IGSF1: variants seen among roughly 807,000 people sequenced by gnomAD.
The protein encoded by IGSF1 is immunoglobulin-like domain-containing protein 1.
A neutral mutation model predicts 95.3 loss-of-function variants in IGSF1; 40 were observed. The observed-to-expected ratio is 0.42, with a 90% confidence interval of 0.33 to 0.55. The LOEUF (loss-of-function observed/expected upper bound fraction) is 0.55, where lower values mean the gene tolerates loss of function less well. IGSF1 is among the 20% of genes least tolerant of loss of function. The pLI, the probability that IGSF1 is intolerant of heterozygous loss-of-function variation, is 0.10. For synonymous variants in IGSF1, 372 were observed against 382.9 expected, an observed-to-expected ratio of 0.97 and a Z score of 0.33; for missense variants, 906 against 1,025.4, an observed-to-expected ratio of 0.88 and a Z score of 1.59.
Position 131,281,752 on chromosome X carries a change from C to G in IGSF1, c.1439G>C (p.Gly480Ala). The change falls in exon 8 of 20, where the codon GGG (glycine) becomes GCG (alanine). Residue 480 changes from glycine to alanine, a missense_variant. Gly to Ala is a moderately conservative substitution (Grantham distance 60). Coordinates refer to ENST00000361420, the MANE Select transcript of IGSF1 (RefSeq NM_001555.5). Reference protein sequence around the residue: ...IISNVDGKGTGTYSCSYRVET... With the variant: ...IISNVDGKGTATYSCSYRVET... ...TACGCGATAGCTGCAACTGTAGGTCCCTGTGCCTTTCCCGTCAACATTACT... is the reference window on the plus strand; with the variant it reads ...TACGCGATAGCTGCAACTGTAGGTCGCTGTGCCTTTCCCGTCAACATTACT... The G allele has an allele frequency of 8.3e-7, 1 of 1,210,490 alleles. No individual in the cohort carries two copies. The highest frequency in any genetic ancestry group is 3.0e-5 in the East Asian group (1 of 33,820).
At position 131,285,839 on chromosome X, in the gene IGSF1, G is replaced by T. The variant is rs199926984; in HGVS notation, c.307C>A (p.Leu103Ile). The T allele has an allele frequency of 8.3e-6, 10 of 1,208,937 alleles. No homozygotes were observed. The highest frequency in any genetic ancestry group is 1.1e-5 in the Non-Finnish European group (10 of 894,335). Reference protein sequence around the residue: ...IGALTESNAGLYRCCYWKETG... With the variant: ...IGALTESNAGIYRCCYWKETG... ...TCCTTCCAGTAGCAGCACCGGTAAA[G>T]ACCTGCATTGGACTCAGTAAGGGCA... Residue 103 changes from leucine to isoleucine, a missense_variant, in exon 4 of 20, where the codon CTT becomes ATT. Around this residue, in one of 5 missense-constraint regions of IGSF1, gnomAD observed 442 missense variants for 448.1 expected, o/e 0.99. Transcript: ENST00000361420.
Position 131,282,697 on chromosome X carries a change from A to G in IGSF1, c.993T>C (p.Ala331=). The change falls in exon 7 of 20, where the codon GCT becomes GCC. Residue 331 remains alanine (A), a synonymous_variant. Transcript: ENST00000361420. The part of the protein sequence containing the change: ...PKTWLLARPS[A]VVQMGQNVSL... ...TCACATTCTGACCCATTTGGACCAC[A>G]GCACTGGGCCGAGCAAGTAGCCAGG... 5 of 1,209,796 alleles carry G rather than the reference A, an allele frequency of 4.1e-6. No homozygotes were observed. Among genetic ancestry groups the G allele is most frequent in the Non-Finnish European group, 5.6e-6 (5 of 893,964 alleles).
In IGSF1 at chrX:131,286,649, C is replaced by T. The variant is rs2080643795; in HGVS notation, c.26G>A (p.Gly9Glu). 1 of 1,201,326 alleles carries T rather than the reference C, an allele frequency of 8.3e-7. No homozygotes were observed. Among genetic ancestry groups the T allele is most frequent in the African/African-American group, 1.8e-5 (1 of 56,797 alleles). Reference protein sequence around the residue: MTLDRPGEGATMLKTFTVL... With the variant: MTLDRPGEEATMLKTFTVL... ...AGTGAATGTCTTCAGCATGGTGGCC[C>T]CCTCCCCTGGTCTGTCCAGGGTCAT... The change falls in exon 2 of 20, where the codon GGG becomes GAG. Residue 9 changes from glycine (G) to glutamate (E), a missense_variant. Coordinates refer to ENST00000361420, the MANE Select transcript of IGSF1 (RefSeq NM_001555.5).
chrX:131,279,157 A>G lies in IGSF1; in HGVS notation c.1736T>C (p.Leu579Ser), dbSNP rs746222242. Reference protein sequence around the residue: ...LLCCGLCNGVLIEETEIVMPT... With the variant: ...LLCCGLCNGVSIEETEIVMPT... ...GAAAAACTCACCAGTCTCTTCTATC[A>G]ATACCCCATTGCACAGTCCTGCAAA... The change falls in exon 11 of 20, where the codon TTG becomes TCG. Residue 579 changes from leucine to serine, a missense_variant. Around this residue, in one of 5 missense-constraint regions of IGSF1, gnomAD observed 442 missense variants for 448.1 expected, o/e 0.99. Transcript: ENST00000361420. 4 of 1,208,250 alleles carry G rather than the reference A, an allele frequency of 3.3e-6. No individual in the cohort carries two copies. Among genetic ancestry groups the G allele is most frequent in the South Asian group, 3.5e-5 (2 of 56,727 alleles).
chrX:131,276,767 T>C (rs945206135), intron 14 of IGSF1, among the ~76,000 whole-genome samples, 172 bp downstream of exon 14: 2 of 111,838 alleles, frequency 1.8e-5, no homozygotes, highest in Non-Finnish European at 3.8e-5. Context: ...CTTGTTCCTG[T>C]AATAATAACA....
chrX:131,273,767 G>T lies in IGSF1; in HGVS notation c.*29C>A, dbSNP rs375054810. 8.4e-7 allele frequency: 1 copy of T among 1,188,186 alleles called. No homozygotes were observed. Among genetic ancestry groups the T allele is most frequent in the Non-Finnish European group, 1.1e-6 (1 of 881,154 alleles). On this transcript the variant is annotated 3_prime_UTR_variant, in exon 20 of 20. Transcript: ENST00000361420. Reference sequence around the variant, plus strand: ...AGGTCTCTGAGAGCAAGAGAGAGGAGAGGAAAGCTCTTGTAAAGGAGGAGA... The same window carrying T: ...AGGTCTCTGAGAGCAAGAGAGAGGATAGGAAAGCTCTTGTAAAGGAGGAGA...
chrX:131,283,774 C>CT (rs766916499), intron 5 of IGSF1, among the ~76,000 whole-genome samples: 3 of 112,177 alleles, frequency 2.7e-5, no homozygotes, highest in Non-Finnish European at 5.6e-5. Flanking sequence ...TGGGGCCACA[C>CT]ATTCCTTTCC....
At chrX:131,284,734 T>C in intron 5 of IGSF1, 2 of 775,811 alleles carry the variant, frequency 2.6e-6, no homozygotes, top group Non-Finnish European at 3.1e-6. Flanking sequence ...TTTTTGTTTT[T>C]ACTCACCAAC....
At chrX:131,286,091 T>C (rs1386682475) in intron 3 of IGSF1, 43 bp from the exon 4 acceptor site, 1 of 1,075,839 alleles carries the variant, frequency 9.3e-7, no homozygotes, top group Non-Finnish European at 1.3e-6. Flanking sequence ...AGTCCAACCC[T>C]CTCCCTCCCA....
At chrX:131,279,228 C>T (rs2080520248) in intron 10 of IGSF1, 43 bp downstream of exon 10, 1 of 1,208,629 alleles carries the variant, frequency 8.3e-7, no homozygotes, top group South Asian at 1.8e-5. Flanking sequence ...CGGGACTTCA[C>T]CCCGGCCTTC....
intron 9 of IGSF1, among the ~76,000 whole-genome samples, chrX:131,279,820 C>G (rs756363732): frequency 9.0e-6 from 1 of 111,557 alleles, no homozygotes; most frequent in Non-Finnish European, 1.9e-5. Flanking sequence ...ACCCACCTGC[C>G]TCACCTGCCT....
At chrX:131,275,903 C>T in intron 15 of IGSF1, 58 bp downstream of exon 15, 2 of 1,169,069 alleles carry the variant, frequency 1.7e-6, no homozygotes, top group Non-Finnish European at 2.3e-6. Context: ...AGGAATTACT[C>T]TCCCTAACCC....
chrX:131,277,730 C>G, intron 13 of IGSF1, 126 bp downstream of exon 13: 3 of 774,985 alleles, frequency 3.9e-6, no homozygotes, highest in Non-Finnish European at 5.6e-6. Flanking sequence ...CTGCCTGGCT[C>G]TAAGATTGGA....
Position 131,281,771 on chromosome X carries a change from C to T in IGSF1, c.1420G>A (p.Val474Ile), listed in dbSNP as rs1386098698. ...SVNGDFIISN[V>I]DGKGTGTYSC... ...TAGGTCCCTGTGCCTTTCCCGTCAA[C>T]ATTACTGATGATGAAGTCTCCGTTT... The change falls in exon 8 of 20, where the codon GTT becomes ATT. Residue 474 changes from valine (V) to isoleucine (I), a missense_variant. By Grantham distance (29) the Val-to-Ile change is conservative. Coordinates refer to ENST00000361420, the MANE Select transcript of IGSF1 (RefSeq NM_001555.5). 8.3e-7 allele frequency: 1 copy of T among 1,211,312 alleles called. No homozygotes were observed. Among genetic ancestry groups the T allele is most frequent in the Admixed American group, 2.2e-5 (1 of 46,093 alleles).
At position 131,278,564 on chromosome X, in the gene IGSF1, G is replaced by C. The variant is rs764117772; in HGVS notation, c.1938C>G (p.Pro646=). The C allele has an allele frequency of 8.3e-7, 1 of 1,211,202 alleles. No individual in the cohort carries two copies. The highest frequency in any genetic ancestry group is 1.8e-5 in the South Asian group (1 of 56,967). The change falls in exon 12 of 20, where the codon CCC becomes CCG. Residue 646 remains proline (P), a synonymous_variant. Transcript: ENST00000361420. ...PASEQVRAAF[P]LGALTQSHTG... ...TGTGGCTCTGGGTCAGGGCGCCAAG[G>C]GGGAAGGCAGCCCGGACCTGCTCTG...
chrX:131,283,111 G>GCC lies in IGSF1; in HGVS notation c.820_821insGG (p.Thr274ArgfsTer3). On this transcript the variant is annotated frameshift_variant, in exon 6 of 20. Coordinates refer to ENST00000361420, the MANE Select transcript of IGSF1 (RefSeq NM_001555.5). LOFTEE classifies it high-confidence loss of function. ...GAAGAAATTTGCCTCATTTTTTATT[G>GCC]TCTTCTTGTGGTAAAAGGACTTCTC... 1.7e-6 allele frequency: 2 copies of GCC among 1,210,319 alleles called. No individual in the cohort carries two copies. The highest frequency in any genetic ancestry group is 2.2e-6 in the Non-Finnish European group (2 of 894,343).
chrX:131,280,165 C>G (rs770466570), intron 9 of IGSF1, among the ~76,000 whole-genome samples: 3 of 108,952 alleles, frequency 2.8e-5, no homozygotes, highest in African/African-American at 6.7e-5. Context: ...TTTTTTCTAA[C>G]CACTGGCTTG....
At chrX:131,289,133 CTT>C in intron 1 of IGSF1, 79 bp downstream of exon 1, 1 of 370,603 alleles carries the variant, frequency 2.7e-6, no homozygotes, top group Admixed American at 2.5e-5. Context: ...CAAGGAGACT[CTT>C]TCGGGGTTTT....
At chrX:131,285,567 T>C (rs1024248563) in intron 4 of IGSF1, 101 bp from the exon 5 acceptor site, 14 of 944,032 alleles carry the variant, frequency 1.5e-5, no homozygotes, top group Non-Finnish European at 2.0e-5. Flanking sequence ...CCCTGTATGA[T>C]CCTTGTTTGC....
Sources: gnomAD v4.1 joint callset for allele counts (sites outside exome capture counted in the v4.1 genomes callset) on GRCh38, gnomAD v4.1.1 for gene constraint, gnomAD v4.1.1 regional missense constraint, MANE v1.5 for transcripts, NCBI Gene and HGNC (gene_info 2026-07-23, HGNC 2026-07-21) for gene names.